The following CTNNA3 variants were observed in gnomAD, a reference collection of about 807,000 sequenced individuals.
CTNNA3 encodes the protein catenin alpha-3.
CTNNA3 carries 76 observed loss-of-function variants against 95.7 expected under a neutral mutation model. The observed-to-expected ratio is 0.79, with a 90% CI of 0.66 to 0.96. The LOEUF (loss-of-function observed/expected upper bound fraction) is 0.96, where lower values mean the gene tolerates loss of function less well. CTNNA3 is among the 40% of genes least tolerant of loss of function. The probability of loss-of-function intolerance (pLI) is 0.00; values close to 1 mark genes in which losing one functional copy is unlikely to be tolerated. For synonymous variants in CTNNA3, 431 were observed against 374.4 expected (o/e 1.15, Z -1.74); for missense variants, 1,191 against 1,089.8 (o/e 1.09, Z -1.31).
chr10:66,595,642 A>C (rs1843689819), intron 10 of CTNNA3, among the ~76,000 whole-genome samples: 1 of 151,696 alleles, frequency 6.6e-6, no homozygotes, highest in Non-Finnish European at 1.5e-5. Flanking sequence ...CAGCCTGTTG[A>C]TTTATTTTTT....
At chr10:67,523,662 A>G (rs1187206897) in intron 4 of CTNNA3, among the ~76,000 whole-genome samples, 1 of 152,188 alleles carries the variant, frequency 6.6e-6, no homozygotes, top group South Asian at 2.1e-4. Context: ...TTGGGCCCCA[A>G]AGGACAGGAA....
At chr10:66,842,031 A>C (rs1843082760) in intron 7 of CTNNA3, among the ~76,000 whole-genome samples, 1 of 152,140 alleles carries the variant, frequency 6.6e-6, no homozygotes, top group Non-Finnish European at 1.5e-5. Context: ...TCTTGGCTCA[A>C]GCAATCCTCC....
At chr10:67,092,465 C>T (rs1488354298) in intron 7 of CTNNA3, among the ~76,000 whole-genome samples, 4 of 151,772 alleles carry the variant, frequency 2.6e-5, no homozygotes, top group African/African-American at 9.7e-5. Flanking sequence ...TTAAAAATAA[C>T]CTTTTCTATC....
At chr10:66,637,548 G>C (rs912568555) in intron 9 of CTNNA3, among the ~76,000 whole-genome samples, 1 of 152,188 alleles carries the variant, frequency 6.6e-6, no homozygotes, top group African/African-American at 2.4e-5. Flanking sequence ...CTTTCAAACC[G>C]TTGTCAGGCT....
intron 5 of CTNNA3, among the ~76,000 whole-genome samples, chr10:67,328,007 G>A (rs530704827): frequency 5.3e-5 from 8 of 152,254 alleles, no homozygotes; most frequent in African/African-American, 1.2e-4. Flanking sequence ...GAGCACTGGC[G>A]GGGGCAGGGC....
intron 1 of CTNNA3, among the ~76,000 whole-genome samples, chr10:67,657,363 C>T (rs1248698277): frequency 6.6e-6 from 1 of 152,110 alleles, no homozygotes; most frequent in Non-Finnish European, 1.5e-5. Context: ...GAAAATATAA[C>T]TTTTGGAGTT....
At chr10:67,491,818 T>C (rs925348870) in intron 5 of CTNNA3, among the ~76,000 whole-genome samples, 1 of 151,946 alleles carries the variant, frequency 6.6e-6, no homozygotes, top group East Asian at 1.9e-4. Context: ...GAATGCAAGA[T>C]AACCAGTTAG....
chr10:66,767,519 G>A (rs964006088), intron 8 of CTNNA3, among the ~76,000 whole-genome samples: 2 of 151,482 alleles, frequency 1.3e-5, no homozygotes, highest in East Asian at 1.9e-4. Flanking sequence ...CTATAAATGG[G>A]CCCAAAGGTT....
At position 67,290,762 on chromosome 10, in the gene CTNNA3, T is replaced by C. The variant is rs141956129; in HGVS notation, c.580-70892A>G. 2.3e-4 allele frequency among the ~76,000 whole-genome samples: 35 copies of C among 152,226 alleles called. 1 individual carries two copies. The highest frequency in any genetic ancestry group is 8.4e-4 in the African/African-American group (35 of 41,532). On this transcript the variant is annotated intron_variant, in intron 5 of 17. Coordinates refer to ENST00000433211, the MANE Select transcript of CTNNA3 (RefSeq NM_013266.4). ...GTAAGAGAGTTCAAAATACAGCAAA[T>C]TGTTAACAAATATGTAGAGCAAATG...
chr10:66,574,746 T>A (rs1385256740), intron 10 of CTNNA3, among the ~76,000 whole-genome samples: 3 of 152,154 alleles, frequency 2.0e-5, no homozygotes, highest in Admixed American at 6.6e-5. Context: ...GTGTAACAGT[T>A]TTTTTACTAC....
At chr10:66,793,154 T>C (rs1477861864) in intron 7 of CTNNA3, among the ~76,000 whole-genome samples, 1 of 152,078 alleles carries the variant, frequency 6.6e-6, no homozygotes, top group Non-Finnish European at 1.5e-5. Context: ...TTTTCTTGTT[T>C]GTTGTTTTAA....
chr10:66,266,149 AAGGAAGGAAAGAAGG>A (rs2091149847), intron 13 of CTNNA3, among the ~76,000 whole-genome samples: 1 of 151,196 alleles, frequency 6.6e-6, no homozygotes, highest in African/African-American at 2.4e-5. Context: ...GGAAAGAAGG[AAGGAAGGAAAGAAGG>A]AAGGAAGGAA....
chr10:67,318,609 TA>T (rs1841170716), intron 5 of CTNNA3, among the ~76,000 whole-genome samples: 1 of 152,218 alleles, frequency 6.6e-6, no homozygotes, highest in Non-Finnish European at 1.5e-5. Flanking sequence ...CTGCTCCAGC[TA>T]CATTGGCCTC....
intron 11 of CTNNA3, among the ~76,000 whole-genome samples, chr10:66,490,536 C>A (rs1297154098): frequency 6.6e-6 from 1 of 152,120 alleles, no homozygotes; most frequent in Admixed American, 6.5e-5. Context: ...AAATCTGTAA[C>A]CCTATTATCA....
At chr10:67,465,854 C>T (rs1021711081) in intron 5 of CTNNA3, among the ~76,000 whole-genome samples, 2 of 152,246 alleles carry the variant, frequency 1.3e-5, no homozygotes, top group East Asian at 3.9e-4. Context: ...TCCCCCACAT[C>T]GAAAGACACT....
chr10:66,854,439 T>G (rs1843613096), intron 7 of CTNNA3, among the ~76,000 whole-genome samples: 1 of 151,954 alleles, frequency 6.6e-6, no homozygotes, highest in South Asian at 2.1e-4. Context: ...TCTCTAGGAT[T>G]CGACAAACAA....
intron 11 of CTNNA3, among the ~76,000 whole-genome samples, chr10:66,445,369 AT>A (rs530644130): frequency 7.9e-5 from 12 of 151,978 alleles, no homozygotes; most frequent in Middle Eastern, 3.4e-3. Context: ...CAGAATATAC[AT>A]TTTTTTTCAG....
At chr10:66,998,210 C>T (rs1001050400) in intron 7 of CTNNA3, among the ~76,000 whole-genome samples, 4 of 152,208 alleles carry the variant, frequency 2.6e-5, no homozygotes, top group African/African-American at 9.6e-5. Flanking sequence ...ATCTACCTTC[C>T]CATATACTCC....
chr10:65,993,744 A>G (rs1299208537), intron 15 of CTNNA3, among the ~76,000 whole-genome samples: 1 of 151,880 alleles, frequency 6.6e-6, no homozygotes, highest in Non-Finnish European at 1.5e-5. Flanking sequence ...TTCTCTCTAT[A>G]TATATTTTTT....
Sources: allele counts gnomAD v4.1 joint callset (sites outside exome capture counted in the v4.1 genomes callset), GRCh38; gene constraint gnomAD v4.1.1; transcripts MANE v1.5; gene names NCBI Gene and HGNC (gene_info 2026-07-23, HGNC 2026-07-21).